The following BMPR1B variants were observed in gnomAD, a reference collection of about 807,000 sequenced individuals.
BMPR1B encodes the protein bone morphogenetic protein receptor type-1B.
A neutral mutation model predicts 59.1 loss-of-function variants in BMPR1B; 12 were observed. The ratio of observed to expected loss-of-function variants is 0.20; its 90% CI spans 0.13 to 0.33. The LOEUF (loss-of-function observed/expected upper bound fraction) is 0.33, where lower values mean the gene tolerates loss of function less well. Ranked by LOEUF, BMPR1B falls within the 10% of genes least tolerant of loss-of-function variation. BMPR1B has a pLI of 1.00. For missense variants in BMPR1B, 550 were observed against 610.9 expected (o/e 0.90, Z 1.05); for synonymous variants, 237 against 207.3 (o/e 1.14, Z -1.23).
chr4:95,016,088 A>T (rs1460673072), intron 3 of BMPR1B, among the ~76,000 whole-genome samples: 2 of 124,436 alleles, frequency 1.6e-5, no homozygotes, highest in Admixed American at 1.8e-4. Context: ...TGAAGTGAAC[A>T]TATTACTTCA....
At chr4:94,839,530 T>C (rs1453010933) in intron 1 of BMPR1B, among the ~76,000 whole-genome samples, 5 of 149,206 alleles carry the variant, frequency 3.4e-5, no homozygotes, top group African/African-American at 9.9e-5. Context: ...TTCTTTGTCT[T>C]TTTTGATCTT....
At chr4:95,056,031 C>T (rs1002177978) in intron 3 of BMPR1B, among the ~76,000 whole-genome samples, 6 of 152,118 alleles carry the variant, frequency 3.9e-5, no homozygotes, top group African/African-American at 9.7e-5. Flanking sequence ...TTTTCAAATG[C>T]ATATCTATTT....
chr4:95,115,737 A>G lies in BMPR1B; in HGVS notation c.299A>G (p.Asn100Ser). 1 of 1,613,890 alleles carries G rather than the reference A, an allele frequency of 6.2e-7. No individual in the cohort carries two copies. Among genetic ancestry groups the G allele is most frequent in the Non-Finnish European group, 8.5e-7 (1 of 1,179,856 alleles). The part of the protein sequence containing the change: ...RRSIECCTER[N>S]ECNKDLHPTL... ...TCAATTGAATGCTGCACAGAAAGGAACGAATGTAATAAAGACCTACACCCT... is the reference window on the plus strand; with the variant it reads ...TCAATTGAATGCTGCACAGAAAGGAGCGAATGTAATAAAGACCTACACCCT... The change falls in exon 6 of 13, where the codon AAC (asparagine) becomes AGC (serine). Residue 100 changes from asparagine to serine, a missense_variant. Physicochemically the swap from Asn to Ser is conservative, Grantham distance 46. Around this residue, in one of 6 missense-constraint regions of BMPR1B, gnomAD observed 20 missense variants for 39.9 expected, o/e 0.50. Transcript: ENST00000515059.
At position 95,125,235 on chromosome 4, in the gene BMPR1B, A is replaced by G. The variant is rs573995134; in HGVS notation, c.585+114A>G. 7.1e-5 allele frequency: 95 copies of G among 1,344,976 alleles called. 3 individuals are homozygous for G. The South Asian group carries it at 1.1e-3, about 15-fold the overall frequency. 83.3% of individuals were successfully genotyped at this position (1,344,976 alleles called of 1,614,324 possible). Reference sequence around the variant, plus strand: ...ACTGGACAAGGAGAAAGCTCTATGCAGTCTGTTGGACATCCGATCTCAGCT... The same window carrying G: ...ACTGGACAAGGAGAAAGCTCTATGCGGTCTGTTGGACATCCGATCTCAGCT... On this transcript the variant is annotated intron_variant, in intron 8 of 12. Coordinates refer to ENST00000515059, the MANE Select transcript of BMPR1B (RefSeq NM_001203.3).
intron 10 of BMPR1B, among the ~76,000 whole-genome samples, chr4:95,138,020 G>C (rs1483769717): frequency 1.3e-5 from 2 of 152,152 alleles, no homozygotes; most frequent in Non-Finnish European, 2.9e-5. Flanking sequence ...TTTACAATTT[G>C]GCATGTTTTT....
chr4:94,759,058 G>A (rs1721652946), intron 1 of BMPR1B, among the ~76,000 whole-genome samples: 1 of 152,182 alleles, frequency 6.6e-6, no homozygotes, highest in South Asian at 2.1e-4. Flanking sequence ...TGGCGGTGTT[G>A]GAGAAGAGCC....
chr4:94,968,084 ACTTTTTCTTT>A (rs1465719624), intron 2 of BMPR1B, among the ~76,000 whole-genome samples: 3 of 152,128 alleles, frequency 2.0e-5, no homozygotes, highest in Admixed American at 6.6e-5. Context: ...ACATTCAGGG[ACTTTTTCTTT>A]CTTTTTCTTT....
Position 95,115,705 on chromosome 4 carries a change from A to T in BMPR1B, c.267A>T (p.Gln89His), listed in dbSNP as rs558142045. 6.2e-7 allele frequency: 1 copy of T among 1,613,692 alleles called. No individual in the cohort carries two copies. Among genetic ancestry groups the T allele is most frequent in the East Asian group, 2.2e-5 (1 of 44,870 alleles). ...FQCRDTPIPHQRRSIECCTER... is the reference protein window; with the variant it reads ...FQCRDTPIPHHRRSIECCTER... ...TATAGGACACTCCCATTCCTCATCA[A>T]AGAAGATCAATTGAATGCTGCACAG... The change falls in exon 6 of 13, where the codon CAA (glutamine) becomes CAT (histidine). Residue 89 changes from glutamine (Q) to histidine (H), a missense_variant. Gln to His is a conservative substitution (Grantham distance 24). Coordinates refer to ENST00000515059, the MANE Select transcript of BMPR1B (RefSeq NM_001203.3).
At chr4:95,014,087 G>A (rs1723407315) in intron 3 of BMPR1B, among the ~76,000 whole-genome samples, 2 of 152,132 alleles carry the variant, frequency 1.3e-5, no homozygotes, top group Non-Finnish European at 2.9e-5. Context: ...TTTATCTGGT[G>A]CTTACAGTGG....
At chr4:94,933,244 T>C (rs1012477500) in intron 2 of BMPR1B, among the ~76,000 whole-genome samples, 1 of 152,128 alleles carries the variant, frequency 6.6e-6, no homozygotes, top group Admixed American at 6.6e-5. Flanking sequence ...TAACTGTTCC[T>C]TGAAAACATG....
intron 1 of BMPR1B, among the ~76,000 whole-genome samples, chr4:94,811,436 A>G (rs1723808310): frequency 6.6e-6 from 1 of 152,114 alleles, no homozygotes. Context: ...ATAGGTCATC[A>G]CCTAACTGCA....
intron 3 of BMPR1B, among the ~76,000 whole-genome samples, chr4:95,035,992 C>T (rs1187823098): frequency 6.6e-6 from 1 of 152,078 alleles, no homozygotes; most frequent in Non-Finnish European, 1.5e-5. Flanking sequence ...AGAGATCTTA[C>T]ACCTCCCAGT....
chr4:94,766,711 A>G (rs1422667376), intron 1 of BMPR1B, among the ~76,000 whole-genome samples: 1 of 151,978 alleles, frequency 6.6e-6, no homozygotes, highest in East Asian at 1.9e-4. Flanking sequence ...AGAAGTAGCC[A>G]CCATTAGCAT....
intron 1 of BMPR1B, among the ~76,000 whole-genome samples, chr4:94,840,347 T>C (rs1346849543): frequency 1.3e-5 from 2 of 149,056 alleles, no homozygotes; most frequent in East Asian, 1.9e-4. Context: ...GATAATATCC[T>C]GCAGAGTGTT....
At chr4:94,773,804 C>T (rs987855184) in intron 1 of BMPR1B, among the ~76,000 whole-genome samples, 2 of 151,604 alleles carry the variant, frequency 1.3e-5, no homozygotes, top group African/African-American at 4.8e-5. Flanking sequence ...CTTTGACTCC[C>T]ACAGGAAGTC....
intron 1 of BMPR1B, among the ~76,000 whole-genome samples, chr4:94,777,566 T>C (rs1235398304): frequency 6.6e-6 from 1 of 152,192 alleles, no homozygotes; most frequent in African/African-American, 2.4e-5. Flanking sequence ...ATCCTTGTAG[T>C]CAATGGCAGA....
chr4:95,046,368 G>T (rs566802073), intron 3 of BMPR1B, among the ~76,000 whole-genome samples: 1 of 152,154 alleles, frequency 6.6e-6, no homozygotes, highest in Non-Finnish European at 1.5e-5. Context: ...CATGTGAGAG[G>T]CAGGAGAGAG....
At chr4:95,112,849 C>T (rs1182659933) in intron 4 of BMPR1B, among the ~76,000 whole-genome samples, 1 of 152,044 alleles carries the variant, frequency 6.6e-6, no homozygotes. Flanking sequence ...TTATTCTTAA[C>T]AGTTGCCTAG....
At chr4:95,055,220 C>T (rs1280001457) in intron 3 of BMPR1B, among the ~76,000 whole-genome samples, 1 of 152,054 alleles carries the variant, frequency 6.6e-6, no homozygotes, top group East Asian at 1.9e-4. Context: ...CCATAGGTTT[C>T]CTATTGTCAT....
Sources: allele counts gnomAD v4.1 joint callset (sites outside exome capture counted in the v4.1 genomes callset), GRCh38; gene constraint gnomAD v4.1.1; regional missense constraint gnomAD v4.1.1; transcripts MANE v1.5; gene names NCBI Gene and HGNC (gene_info 2026-07-23, HGNC 2026-07-21).